The following AFF3 variants were observed in gnomAD, a reference collection of about 807,000 sequenced individuals.
AFF3 encodes the protein ALF transcription elongation factor 3, also known as AF4/FMR2 family member 3.
Under a neutral mutation model 129.7 loss-of-function variants are expected in AFF3, and 32 were observed. The observed-to-expected ratio is 0.25, with a 90% CI of 0.19 to 0.33. AFF3 has a LOEUF of 0.33. AFF3 is among the 10% of genes least tolerant of loss of function. The pLI is 1.00. For missense variants in AFF3, 1,373 were observed against 1,592.0 expected (o/e 0.86, Z 2.34); for synonymous variants, 644 against 635.4 (o/e 1.01, Z -0.20).
At chr2:99,736,433 AC>A (rs1228379496) in intron 10 of AFF3, among the ~76,000 whole-genome samples, 6 of 151,870 alleles carry the variant, frequency 4.0e-5, no homozygotes, top group Non-Finnish European at 7.4e-5. Context: ...CTTTTTTATC[AC>A]CAGTATTTGG....
At chr2:100,016,868 G>C (rs1683161629) in intron 4 of AFF3, among the ~76,000 whole-genome samples, 2 of 151,714 alleles carry the variant, frequency 1.3e-5, no homozygotes, top group South Asian at 4.2e-4. Context: ...TGGTGATCGT[G>C]CTGGTGGTAC....
intron 15 of AFF3, among the ~76,000 whole-genome samples, chr2:99,592,700 G>T (rs781125909): frequency 6.6e-6 from 1 of 152,194 alleles, no homozygotes; most frequent in Non-Finnish European, 1.5e-5. Flanking sequence ...TTGGGAGGCT[G>T]AGGCAGGCAG....
At chr2:100,063,767 A>ATC (rs1256558705) in intron 4 of AFF3, among the ~76,000 whole-genome samples, 1 of 152,100 alleles carries the variant, frequency 6.6e-6, no homozygotes, top group African/African-American at 2.4e-5. Context: ...AAAGACATAA[A>ATC]TCCACAGATA....
chr2:100,036,585 TA>T (rs34548598), intron 4 of AFF3, among the ~76,000 whole-genome samples: 80,054 of 151,442 alleles, frequency 0.53, 21,711 homozygotes, highest in African/African-American at 0.64. Context: ...AGAGAGAATG[TA>T]AAAAAAATGG....
intron 14 of AFF3, among the ~76,000 whole-genome samples, chr2:99,598,153 C>T (rs3792130): frequency 3.3e-5 from 5 of 152,134 alleles, no homozygotes; most frequent in Non-Finnish European, 7.4e-5. Context: ...GTAAGGGTTG[C>T]GTGATGATTC....
At chr2:99,758,678 TTAAG>T (rs1026960591) in intron 8 of AFF3, among the ~76,000 whole-genome samples, 9 of 151,874 alleles carry the variant, frequency 5.9e-5, no homozygotes, top group African/African-American at 2.2e-4. Context: ...ATGGCTCCTA[TTAAG>T]TTTTAGTTTT....
chr2:99,828,251 G>A (rs1020747269), intron 8 of AFF3, among the ~76,000 whole-genome samples: 20 of 152,342 alleles, frequency 1.3e-4, no homozygotes, highest in Admixed American at 1.1e-3. Flanking sequence ...CTTCAAGTCA[G>A]TAATGCTGGT....
chr2:99,814,917 T>C (rs1270536022), intron 8 of AFF3, among the ~76,000 whole-genome samples: 2 of 151,774 alleles, frequency 1.3e-5, no homozygotes, highest in Non-Finnish European at 2.9e-5. Context: ...TGGCGTGATC[T>C]TGGCTCACTG....
At chr2:100,122,796 T>C (rs1375736178) in intron 2 of AFF3, among the ~76,000 whole-genome samples, 2 of 152,230 alleles carry the variant, frequency 1.3e-5, no homozygotes. Context: ...TCACAATGCA[T>C]ACTGGCAATG....
chr2:100,016,533 GTGA>G (rs1483616864), intron 4 of AFF3, among the ~76,000 whole-genome samples: 5 of 151,156 alleles, frequency 3.3e-5, no homozygotes, highest in African/African-American at 1.2e-4. Context: ...GGTAGTGGTG[GTGA>G]TGGTGGTAGC....
In AFF3 at chr2:99,550,292, T is replaced by C; in HGVS notation, c.*1182A>G. On this transcript the variant is annotated 3_prime_UTR_variant, in exon 25 of 25. Transcript: ENST00000672756. ...TTGCTGCTGCCCCAGAAAGGAACTG[T>C]GATCTTCTGCATTGCAAGCAGCCTG... The C allele has an allele frequency of 4.3e-6, 1 of 231,302 alleles. No individual in the cohort carries two copies. Among genetic ancestry groups the C allele is most frequent in the Non-Finnish European group, 8.6e-6 (1 of 116,872 alleles). The allele number at this position is 231,302 out of a possible 1,614,324, so 14.3% of individuals were successfully genotyped here. A position where few individuals can be genotyped will look rare whatever the true frequency, so the allele number is the denominator to read the frequency against.
intron 24 of AFF3, 100 bp from the exon 25 acceptor site, chr2:99,551,695 A>C: frequency 6.9e-7 from 1 of 1,441,912 alleles, no homozygotes; most frequent in Non-Finnish European, 9.5e-7. Context: ...TCTCTATATA[A>C]ATCAAGGATT....
At chr2:99,639,770 C>G (rs1370222214) in intron 13 of AFF3, among the ~76,000 whole-genome samples, 1 of 151,418 alleles carries the variant, frequency 6.6e-6, no homozygotes. Flanking sequence ...TCACTGCAAC[C>G]TCTGTTTCCT....
chr2:99,600,589 T>C (rs1159544743), intron 14 of AFF3, among the ~76,000 whole-genome samples: 1 of 152,172 alleles, frequency 6.6e-6, no homozygotes, highest in Admixed American at 6.5e-5. Context: ...TACAGAGGGC[T>C]GTAAGTAAAA....
intron 11 of AFF3, among the ~76,000 whole-genome samples, chr2:99,710,238 C>G (rs1226899726): frequency 6.6e-6 from 1 of 152,178 alleles, no homozygotes; most frequent in Non-Finnish European, 1.5e-5. Flanking sequence ...CAGAGCCTGG[C>G]ACACAGTATT....
intron 7 of AFF3, among the ~76,000 whole-genome samples, chr2:99,903,432 T>C (rs1694493063): frequency 1.3e-5 from 2 of 152,194 alleles, no homozygotes; most frequent in South Asian, 2.1e-4. Flanking sequence ...AATAGGTATG[T>C]ATCTTGCATT....
intron 7 of AFF3, among the ~76,000 whole-genome samples, chr2:99,886,560 C>G (rs560158373): frequency 2.7e-4 from 41 of 152,200 alleles, no homozygotes; most frequent in Non-Finnish European, 2.9e-4. Context: ...CCCCTCCATG[C>G]TACAAAAATG....
At chr2:100,013,634 A>ACT (rs1299434899) in intron 4 of AFF3, among the ~76,000 whole-genome samples, 13 of 152,192 alleles carry the variant, frequency 8.5e-5, no homozygotes, top group African/African-American at 2.9e-4. Context: ...GAAGTAGTTA[A>ACT]CATGAGCCCC....
chr2:99,748,376 A>G (rs572473168), intron 9 of AFF3, among the ~76,000 whole-genome samples: 1 of 152,246 alleles, frequency 6.6e-6, no homozygotes, highest in South Asian at 2.1e-4. Flanking sequence ...CCCCTCTGGG[A>G]GCACTCTACT....
Sources: gnomAD v4.1 joint callset for allele counts (sites outside exome capture counted in the v4.1 genomes callset) on GRCh38, gnomAD v4.1.1 for gene constraint, MANE v1.5 for transcripts, NCBI Gene and HGNC (gene_info 2026-07-23, HGNC 2026-07-21) for gene names.